Variants in USP36 observed in about 807,000 individuals in gnomAD.
The protein encoded by USP36 is ubiquitin carboxyl-terminal hydrolase 36.
In USP36, 59 loss-of-function variants were observed where a neutral mutation model predicts 111.5. That is an observed-to-expected ratio of 0.53 (90% CI 0.43 to 0.66). USP36 has a LOEUF of 0.66. USP36 is among the 30% of genes least tolerant of loss of function. The probability of loss-of-function intolerance (pLI) is 0.00; values close to 1 mark genes in which losing one functional copy is unlikely to be tolerated. For missense variants in USP36, 1,488 were observed against 1,468.0 expected, an observed-to-expected ratio of 1.01 and a Z score of -0.22; for synonymous variants, 628 against 581.0, an observed-to-expected ratio of 1.08 and a Z score of -1.16.
At chr17:78,802,030 A>G (rs575871023) in intron 17 of USP36, among the ~76,000 whole-genome samples, 1 of 152,218 alleles carries the variant, frequency 6.6e-6, no homozygotes, top group African/African-American at 2.4e-5. Context: ...CAGATGCAGT[A>G]GACGCTGCTC....
In USP36 at chr17:78,821,033, C is replaced by T. The variant is rs773635221; in HGVS notation, c.786G>A (p.Ser262=). 2.7e-5 allele frequency: 43 copies of T among 1,607,082 alleles called. No homozygotes were observed. Among genetic ancestry groups the T allele is most frequent in the East Asian group, 1.3e-4 (6 of 44,630 alleles). The stretch of plus-strand genomic sequence containing the variant: ...CGTCCAAGTAGGGGTCGTAGGTGTC[C>T]GAGACGCTCTTGCACACGGAGCACT... ...RVKCSVCKSV[S]DTYDPYLDVA... The change falls in exon 8 of 21, where the codon TCG becomes TCA. Residue 262 remains serine, a synonymous_variant. Transcript: ENST00000449938.
In USP36 at chr17:78,827,761, T is replaced by C. The variant is rs548822416; in HGVS notation, c.587-414A>G. ...CTACCAAAATAAAAAATAAAAAAAT[T>C]AGCCAGGCATGATGGCATGTGCCTG... On this transcript the variant is annotated intron_variant, in intron 5 of 20. Transcript: ENST00000449938. Among the ~76,000 whole-genome samples, 26 of 152,090 alleles carry C rather than the reference T, an allele frequency of 1.7e-4. No homozygotes were observed. In the South Asian group the frequency reaches 5.4e-3, roughly 32 times the overall value.
At chr17:78,814,095 G>T (rs187478910) in intron 11 of USP36, among the ~76,000 whole-genome samples, 1 of 152,266 alleles carries the variant, frequency 6.6e-6, no homozygotes, top group East Asian at 1.9e-4. Context: ...TGCCCCAACA[G>T]ATAGGAACTG....
At chr17:78,822,054 G>A (rs1479788891) in intron 6 of USP36, 50 bp from the exon 7 acceptor site, 12 of 1,606,216 alleles carry the variant, frequency 7.5e-6, no homozygotes, top group Middle Eastern at 1.6e-4. Context: ...AAGATGACAC[G>A]AGGGATGGCC....
intron 4 of USP36, among the ~76,000 whole-genome samples, chr17:78,832,362 G>A (rs932673921): frequency 1.3e-5 from 2 of 152,158 alleles, no homozygotes; most frequent in Admixed American, 6.6e-5. Context: ...GCCCACTTAG[G>A]GGTCACTCAG....
chr17:78,804,757 A>G lies in USP36; in HGVS notation c.2217-779T>C, dbSNP rs533003679. Among the ~76,000 whole-genome samples, 9 of 152,064 alleles carry G rather than the reference A, an allele frequency of 5.9e-5. No individual in the cohort carries two copies. The East Asian group carries it at 1.7e-3, about 29-fold the overall frequency. ...ATGCCTTAGTTTCTTGTCACCAAGC[A>G]ATTCAAGTATTTTTGCGAGCTCTAA... On this transcript the variant is annotated intron_variant, in intron 15 of 20. Transcript: ENST00000449938.
At chr17:78,794,318 T>A (rs1156836476), downstream of USP36, among the ~76,000 whole-genome samples, 1 of 152,206 alleles carries the variant, frequency 6.6e-6, no homozygotes, top group Non-Finnish European at 1.5e-5. Flanking sequence ...TTGGTAACCC[T>A]TCTTGTCCAA....
chr17:78,802,767 T>C (rs1385806055), intron 16 of USP36, among the ~76,000 whole-genome samples: 1 of 152,176 alleles, frequency 6.6e-6, no homozygotes, highest in Non-Finnish European at 1.5e-5. Flanking sequence ...GCCAAGCCTG[T>C]TGACGCCAAT....
intron 10 of USP36, among the ~76,000 whole-genome samples, chr17:78,815,118 G>T (rs1165252707): frequency 6.6e-6 from 1 of 152,170 alleles, no homozygotes; most frequent in Non-Finnish European, 1.5e-5. Flanking sequence ...TAGATCACAA[G>T]GTCAAGAGAT....
At chr17:78,801,228 G>A (rs571991621) in intron 17 of USP36, among the ~76,000 whole-genome samples, 1 of 152,178 alleles carries the variant, frequency 6.6e-6, no homozygotes, top group Non-Finnish European at 1.5e-5. Flanking sequence ...CGCCCGCCTC[G>A]GCCTCCCAAA....
rs1200509935 is a variant in USP36 at position 78,798,411 on chromosome 17, G to C, written c.*9C>G. ...CCCTCGGAACCGACCTCCTTCCACA[G>C]GGGCACAGTCAGCGGCGATAGCTGA... On this transcript the variant is annotated 3_prime_UTR_variant, in exon 20 of 21. Transcript: ENST00000449938. This position sits in a 1 kb window ranked among gnomAD's most constrained non-coding sequence, Gnocchi z 5.1. The C allele has an allele frequency of 6.2e-7, 1 of 1,613,900 alleles. No homozygotes were observed. Among genetic ancestry groups the C allele is most frequent in the Non-Finnish European group, 8.5e-7 (1 of 1,180,024 alleles).
chr17:78,798,858 G>T lies in USP36; in HGVS notation c.3240+50C>A. 6.2e-7 allele frequency: 1 copy of T among 1,603,232 alleles called. No homozygotes were observed. ...TCCAACTGCCCCGGCTCTGAGCTGAGCCACGCCGCCCTGCTCCCTCAAGCC... is the reference window on the plus strand; with the variant it reads ...TCCAACTGCCCCGGCTCTGAGCTGATCCACGCCGCCCTGCTCCCTCAAGCC... On this transcript the variant is annotated intron_variant, in intron 19 of 20. Coordinates refer to ENST00000449938, the MANE Select transcript of USP36 (RefSeq NM_001385174.1). This position sits in a 1 kb window ranked among gnomAD's most constrained non-coding sequence, Gnocchi z 5.1.
Position 78,803,475 on chromosome 17 carries a change from C to T in USP36, c.2720G>A (p.Gly907Asp). The change falls in exon 16 of 21, where the codon GGC (glycine) becomes GAC (aspartate). Residue 907 changes from glycine (G) to aspartate (D), a missense_variant. Gly to Asp is a moderately conservative substitution (Grantham distance 94). Transcript: ENST00000449938. The surrounding 1 kb of genome is among the most constrained non-coding windows in gnomAD (Gnocchi z 4.6). ...NGQQVGCVTDGHHASSRKRRR... is the reference protein window; with the variant it reads ...NGQQVGCVTDDHHASSRKRRR... Reference sequence around the variant, plus strand: ...CCGCTTCCTGCTGCTCGCGTGGTGGCCGTCCGTAACACATCCCACCTGCTG... The same window carrying T: ...CCGCTTCCTGCTGCTCGCGTGGTGGTCGTCCGTAACACATCCCACCTGCTG... 1 of 1,614,114 alleles carries T rather than the reference C, an allele frequency of 6.2e-7. No individual in the cohort carries two copies. Among genetic ancestry groups the T allele is most frequent in the South Asian group, 1.1e-5 (1 of 91,088 alleles).
intron 2 of USP36, among the ~76,000 whole-genome samples, chr17:78,836,977 C>T (rs1452326440): frequency 6.6e-6 from 1 of 152,100 alleles, no homozygotes; most frequent in Admixed American, 6.6e-5. Flanking sequence ...TTGAGAGGTG[C>T]TATAAGTGTA....
downstream of USP36, among the ~76,000 whole-genome samples, chr17:78,793,599 G>A (rs971623736): frequency 1.3e-5 from 2 of 152,156 alleles, no homozygotes; most frequent in African/African-American, 4.8e-5. Context: ...CTGCCCGTCT[G>A]CATGTCACGT....
At chr17:78,801,802 A>G (rs2093750816) in intron 17 of USP36, among the ~76,000 whole-genome samples, 1 of 152,250 alleles carries the variant, frequency 6.6e-6, no homozygotes, top group South Asian at 2.1e-4. Context: ...GAGAAGCTGT[A>G]GACAGAACAG....
chr17:78,795,371 A>G (rs1451714150), downstream of USP36, among the ~76,000 whole-genome samples: 1 of 152,216 alleles, frequency 6.6e-6, no homozygotes, highest in African/African-American at 2.4e-5. The surrounding 1 kb of genome is among the most constrained non-coding windows in gnomAD (Gnocchi z 4.5). Flanking sequence ...TGCTAAAGGG[A>G]GATGCGGGGA....
rs117475713 is a variant in USP36 at position 78,797,188 on chromosome 17, G to A, written c.*712C>T. 307 of 152,344 alleles carry A rather than the reference G, an allele frequency of 2.0e-3. 1 individual carries two copies. Among genetic ancestry groups the A allele is most frequent in the Middle Eastern group, 3.4e-3 (1 of 294 alleles). The allele number at this position is 152,344 out of a possible 1,614,324, so 9.4% of individuals were successfully genotyped here. A position where few individuals can be genotyped will look rare whatever the true frequency, so the allele number is the denominator to read the frequency against. ...CTGCAAGGGAAGCTACAGCACAGTC[G>A]TCTCAGAATAAACAGCAGCCTGGAA... On this transcript the variant is annotated 3_prime_UTR_variant, in exon 21 of 21. Coordinates refer to ENST00000449938, the MANE Select transcript of USP36 (RefSeq NM_001385174.1).
chr17:78,811,358 T>C (rs995183960), intron 13 of USP36, among the ~76,000 whole-genome samples: 1 of 152,186 alleles, frequency 6.6e-6, no homozygotes, highest in Non-Finnish European at 1.5e-5. Flanking sequence ...TCTGTATGTA[T>C]ATGTACGTGT....
Sources: gnomAD v4.1 joint callset for allele counts (sites outside exome capture counted in the v4.1 genomes callset) on GRCh38, gnomAD v4.1.1 for gene constraint, Gnocchi (gnomAD v3.1) non-coding constraint, MANE v1.5 for transcripts, NCBI Gene and HGNC (gene_info 2026-07-23, HGNC 2026-07-21) for gene names.